XYLT1: variants seen among roughly 807,000 people sequenced by gnomAD.
The protein encoded by XYLT1 is beta-D-xylosyltransferase 1.
XYLT1 carries 36 observed loss-of-function variants against 91.3 expected under a neutral mutation model. That is an observed-to-expected ratio of 0.39 (90% CI 0.30 to 0.52). The LOEUF is 0.52. Ranked by LOEUF, XYLT1 falls within the 20% of genes least tolerant of loss-of-function variation. The pLI, the probability that XYLT1 is intolerant of heterozygous loss-of-function variation, is 0.68. For missense variants in XYLT1, 1,242 were observed against 1,284.5 expected (o/e 0.97, Z 0.51); for synonymous variants, 588 against 532.0 (o/e 1.11, Z -1.45).
At chr16:17,113,592 G>A (rs997985287) in intron 11 of XYLT1, among the ~76,000 whole-genome samples, 1 of 93,326 alleles carries the variant, frequency 1.1e-5, no homozygotes, top group African/African-American at 3.1e-5. Context: ...CCTGCCTAAT[G>A]CCAGAGTCTA....
chr16:17,356,379 T>C (rs1016754421), intron 2 of XYLT1, among the ~76,000 whole-genome samples: 2 of 152,060 alleles, frequency 1.3e-5, no homozygotes, highest in African/African-American at 4.8e-5. Flanking sequence ...ATCCTTTTCC[T>C]CCTCAGAGCT....
intron 10 of XYLT1, among the ~76,000 whole-genome samples, chr16:17,124,084 G>T (rs1396930646): frequency 6.6e-6 from 1 of 152,028 alleles, no homozygotes; most frequent in Non-Finnish European, 1.5e-5. Flanking sequence ...ATTCTTATCC[G>T]TTCTGTATCT....
chr16:17,355,860 C>T (rs1596499681), intron 2 of XYLT1, among the ~76,000 whole-genome samples: 1 of 152,172 alleles, frequency 6.6e-6, no homozygotes, highest in Non-Finnish European at 1.5e-5. Flanking sequence ...CAGGCACATA[C>T]TACCATGCCT....
chr16:17,447,351 C>A (rs115558584), intron 1 of XYLT1, among the ~76,000 whole-genome samples: 4 of 152,210 alleles, frequency 2.6e-5, no homozygotes, highest in African/African-American at 9.6e-5. Flanking sequence ...AGGCTTGGGG[C>A]AGAATGTCTG....
chr16:17,298,096 A>C (rs996610708), intron 2 of XYLT1, among the ~76,000 whole-genome samples: 2 of 152,196 alleles, frequency 1.3e-5, no homozygotes, highest in Non-Finnish European at 2.9e-5. Flanking sequence ...CAGATGAGGA[A>C]ACTGGAGCAC....
Position 17,132,138 on chromosome 16 carries a change from G to A in XYLT1, c.2027+2335C>T, listed in dbSNP as rs148803385. Among the ~76,000 whole-genome samples, 416 of 152,258 alleles carry A rather than the reference G, an allele frequency of 2.7e-3. 4 individuals carry two copies. Among genetic ancestry groups the A allele is most frequent in the Non-Finnish European group, 2.6e-3 (174 of 68,030 alleles). On this transcript the variant is annotated intron_variant, in intron 9 of 11. Transcript: ENST00000261381. Reference sequence around the variant, plus strand: ...CCTGCAACTGTAATTATTATGGAACGACATTTGCCTTCCAAGTGGCAGGCA... The same window carrying A: ...CCTGCAACTGTAATTATTATGGAACAACATTTGCCTTCCAAGTGGCAGGCA...
chr16:17,158,508 TC>T (rs1295870173), intron 6 of XYLT1, among the ~76,000 whole-genome samples: 2 of 152,226 alleles, frequency 1.3e-5, no homozygotes, highest in African/African-American at 4.8e-5. Flanking sequence ...GCCTCAGTCT[TC>T]CCATCAATAA....
intron 3 of XYLT1, among the ~76,000 whole-genome samples, chr16:17,226,086 G>T (rs1471303060): frequency 1.3e-5 from 2 of 152,182 alleles, no homozygotes; most frequent in African/African-American, 4.8e-5. Context: ...CTTACACTGA[G>T]AACTATTATC....
chr16:17,223,210 C>A (rs1380496373), intron 3 of XYLT1, among the ~76,000 whole-genome samples: 1 of 152,220 alleles, frequency 6.6e-6, no homozygotes, highest in Non-Finnish European at 1.5e-5. Flanking sequence ...CACAGTCGCA[C>A]TCACAGAGGA....
intron 2 of XYLT1, among the ~76,000 whole-genome samples, chr16:17,336,277 T>A (rs1295106549): frequency 6.6e-6 from 1 of 152,218 alleles, no homozygotes; most frequent in Non-Finnish European, 1.5e-5. Flanking sequence ...AACTCCTAGT[T>A]AACAAGAAAA....
chr16:17,296,841 C>T (rs2066592258), intron 2 of XYLT1, among the ~76,000 whole-genome samples: 1 of 152,198 alleles, frequency 6.6e-6, no homozygotes, highest in Admixed American at 6.5e-5. Context: ...TGACACAAAC[C>T]ACCGGGGTTC....
chr16:17,280,237 A>T (rs1199096749), intron 2 of XYLT1, among the ~76,000 whole-genome samples: 1 of 152,126 alleles, frequency 6.6e-6, no homozygotes, highest in African/African-American at 2.4e-5. Flanking sequence ...GTAATCCCAG[A>T]TACTCGGGAG....
chr16:17,229,911 G>A (rs2033133072), intron 3 of XYLT1, among the ~76,000 whole-genome samples: 1 of 152,182 alleles, frequency 6.6e-6, no homozygotes, highest in African/African-American at 2.4e-5. Context: ...GGGTTAGAAT[G>A]GGCTAGAAAT....
rs1005908693 is a variant in XYLT1 at position 17,129,479 on chromosome 16, C to G, written c.2028-1618G>C. On this transcript the variant is annotated intron_variant, in intron 9 of 11. Transcript: ENST00000261381. ...GTTTCACCATGTTGGCCAGGCTGGT[C>G]TCAAACTCACTCCTGACCTCAAGTG... Among the ~76,000 whole-genome samples, 87 of 152,126 alleles carry G rather than the reference C, an allele frequency of 5.7e-4. 1 individual carries two copies. Among genetic ancestry groups the G allele is most frequent in the South Asian group, 2.1e-4 (1 of 4,826 alleles).
At chr16:17,115,312 TAAAAAAA>T (rs869095502) in intron 11 of XYLT1, among the ~76,000 whole-genome samples, 784 of 48,870 alleles carry the variant, frequency 0.016, 25 homozygotes, top group African/African-American at 0.05. Flanking sequence ...CAAAAATAGT[TAAAAAAA>T]AAAAAAAAAA....
chr16:17,186,234 T>G (rs34653216), intron 5 of XYLT1, among the ~76,000 whole-genome samples: 90,201 of 151,752 alleles, frequency 0.59, 29,010 homozygotes, highest in African/African-American at 0.84. Context: ...CTCCCGAGTA[T>G]CTGGGATTAC....
intron 3 of XYLT1, among the ~76,000 whole-genome samples, chr16:17,201,930 C>T (rs1239999788): frequency 6.6e-6 from 1 of 152,122 alleles, no homozygotes; most frequent in African/African-American, 2.4e-5. Flanking sequence ...TGAGCTCCTG[C>T]ATCAGTAAGG....
intron 1 of XYLT1, among the ~76,000 whole-genome samples, chr16:17,433,243 G>A (rs72783539): frequency 0.15 from 22,476 of 151,988 alleles, 1,839 homozygotes; most frequent in African/African-American, 0.19. Flanking sequence ...CTATCACCCC[G>A]AAAAGTGACT....
Position 17,470,530 on chromosome 16 carries a change from TCCTCCTCCTCCGCCGCCG to T in XYLT1, c.249_266del (p.Gly85_Gly90del). On this transcript the variant is annotated inframe_deletion, in exon 1 of 12. Transcript: ENST00000261381. ...GCGCCCGCGCCTGGGGCCCCCGTCC[TCCTCCTCCTCCGCCGCCG>T]CCTCCTCCTCCTCCTCGGGCTGCAG... 1 of 1,224,634 alleles carries T rather than the reference TCCTCCTCCTCCGCCGCCG, an allele frequency of 8.2e-7. No individual in the cohort carries two copies. The highest frequency in any genetic ancestry group is 4.1e-5 in the South Asian group (1 of 24,386). 75.9% of individuals were successfully genotyped at this position (1,224,634 alleles called of 1,614,324 possible). A position where few individuals can be genotyped will look rare whatever the true frequency, so the allele number is the denominator to read the frequency against.
Sources: allele counts gnomAD v4.1 joint callset (sites outside exome capture counted in the v4.1 genomes callset), GRCh38; gene constraint gnomAD v4.1.1; transcripts MANE v1.5; gene names NCBI Gene and HGNC (gene_info 2026-07-23, HGNC 2026-07-21).